The following RAB37 variants were observed in gnomAD, a reference collection of about 807,000 sequenced individuals.
RAB37 encodes RAB37, member RAS oncogene family.
In RAB37, 29 loss-of-function variants were observed where a neutral mutation model predicts 33.1. The observed-to-expected ratio is 0.88, with a 90% CI of 0.65 to 1.20. RAB37 has a LOEUF of 1.20. Ranked by LOEUF, RAB37 falls within the 50% of genes most tolerant of loss-of-function variation. The pLI is 0.00. For missense variants in RAB37, 299 were observed against 301.1 expected (o/e 0.99, Z 0.05); for synonymous variants, 128 against 119.5 (o/e 1.07, Z -0.47).
At chr17:74,720,621 A>T (rs1183409754) in intron 1 of RAB37, among the ~76,000 whole-genome samples, 1 of 152,050 alleles carries the variant, frequency 6.6e-6, no homozygotes, top group Non-Finnish European at 1.5e-5. Context: ...AAACACAATT[A>T]ATGCTCTTTT....
At chr17:74,711,975 G>A (rs979745996) in intron 1 of RAB37, among the ~76,000 whole-genome samples, 23 of 146,202 alleles carry the variant, frequency 1.6e-4, no homozygotes, top group African/African-American at 5.6e-4. Context: ...TGTGATTACA[G>A]GTCACTGCAG....
Position 74,671,403 on chromosome 17 carries a change from C to T in RAB37, c.-184C>T. 1 of 602,852 alleles carries T rather than the reference C, an allele frequency of 1.7e-6. No individual in the cohort carries two copies. Among genetic ancestry groups the T allele is most frequent in the Non-Finnish European group, 2.9e-6 (1 of 341,206 alleles). The allele number at this position is 602,852 out of a possible 1,614,324, so 37.3% of individuals were successfully genotyped here. ...AACGCTCAGTCCTGGAAGAACGTGG[C>T]CGCCTGCCCGCCTGGTACCGCGCCG... On this transcript the variant is annotated 5_prime_UTR_variant, in exon 1 of 8. Transcript: ENST00000340415. This position sits in a 1 kb window ranked among gnomAD's most constrained non-coding sequence, Gnocchi z 5.0.
At chr17:74,698,680 G>T in intron 1 of RAB37, 1 of 1,353,298 alleles carries the variant, frequency 7.4e-7, no homozygotes, top group South Asian at 1.6e-5. Context: ...GAAGGGAATG[G>T]AACAAGAGAC....
chr17:74,734,093 C>T (rs1295603685), upstream of RAB37, among the ~76,000 whole-genome samples: 2 of 152,320 alleles, frequency 1.3e-5, no homozygotes, highest in East Asian at 1.9e-4. Flanking sequence ...GAGCCAACAA[C>T]GTGAACCACA....
rs201168090 is a variant in RAB37, at chr17:74,718,572, G to GA, written c.73-10675dup. Among the ~76,000 whole-genome samples, 261 of 149,954 alleles carry GA rather than the reference G, an allele frequency of 1.7e-3. 3 individuals carry two copies. In the East Asian group the frequency reaches 0.039, roughly 22 times the overall value. ...CCTATTAATTGGCTAGATGTATTTG[G>GA]AAAAAAAAACAAGCGTTTGTTCAGC... On this transcript the variant is annotated intron_variant, in intron 1 of 7. Transcript: ENST00000340415.
At position 74,730,168 on chromosome 17, in the gene RAB37, G is replaced by A. The variant is rs1252157471; in HGVS notation, c.183+802G>A. On this transcript the variant is annotated intron_variant, in intron 2 of 7. Transcript: ENST00000340415. The surrounding 1 kb of genome is among the most constrained non-coding windows in gnomAD (Gnocchi z 4.4). ...GGAGAGGGTTCCACTCCTCTCTCGGGCTGTGGCAGGAAGAGCAGGGCCTTC... is the reference window on the plus strand; with the variant it reads ...GGAGAGGGTTCCACTCCTCTCTCGGACTGTGGCAGGAAGAGCAGGGCCTTC... 1.3e-5 allele frequency among the ~76,000 whole-genome samples: 2 copies of A among 152,186 alleles called. No individual in the cohort carries two copies. The highest frequency in any genetic ancestry group is 4.8e-5 in the African/African-American group (2 of 41,450).
At chr17:74,708,527 A>G (rs1360688142) in intron 1 of RAB37, among the ~76,000 whole-genome samples, 1 of 152,218 alleles carries the variant, frequency 6.6e-6, no homozygotes, top group African/African-American at 2.4e-5. Context: ...GAAACAAAAG[A>G]TCAGCATACG....
intron 1 of RAB37, among the ~76,000 whole-genome samples, chr17:74,715,896 G>C (rs1167070775): frequency 6.6e-6 from 1 of 152,140 alleles, no homozygotes; most frequent in African/African-American, 2.4e-5. Context: ...CGGGCATGGT[G>C]GTGGATGTCT....
chr17:74,701,708 G>T (rs891605500), intron 1 of RAB37, among the ~76,000 whole-genome samples: 6 of 152,070 alleles, frequency 3.9e-5, no homozygotes, highest in Non-Finnish European at 4.4e-5. Flanking sequence ...AAATTGGCCG[G>T]GCATGGTGGC....
intron 1 of RAB37, among the ~76,000 whole-genome samples, chr17:74,697,068 A>C (rs545975887): frequency 7.1e-4 from 108 of 152,128 alleles, no homozygotes; most frequent in Non-Finnish European, 1.2e-3. Context: ...TAGCCTCCTG[A>C]GTAGCTGGAA....
chr17:74,723,719 C>A (rs1285870841), intron 1 of RAB37, among the ~76,000 whole-genome samples: 1 of 151,772 alleles, frequency 6.6e-6, no homozygotes, highest in African/African-American at 2.4e-5. Context: ...GCTGGGACTA[C>A]AGGCGCGCAT....
Position 74,715,511 on chromosome 17 carries a change from G to A in RAB37, c.73-13745G>A, listed in dbSNP as rs796515795. Among the ~76,000 whole-genome samples the A allele has an allele frequency of 2.0e-4, 31 of 152,360 alleles. 1 individual carries two copies. Among genetic ancestry groups the A allele is most frequent in the African/African-American group, 7.5e-4 (31 of 41,590 alleles). ...CTCAGAGAGCAATCAGCCCTCTGCA[G>A]TAGGGAAGCCATTGGCTTCCAGGAA... On this transcript the variant is annotated intron_variant, in intron 1 of 7. Transcript: ENST00000340415.
At chr17:74,713,506 G>A (rs1158361254) in intron 1 of RAB37, among the ~76,000 whole-genome samples, 1 of 152,028 alleles carries the variant, frequency 6.6e-6, no homozygotes. Flanking sequence ...CACTGGGTCT[G>A]GCCAGCCCTT....
At chr17:74,695,923 A>G in intron 1 of RAB37, 1 of 1,556,652 alleles carries the variant, frequency 6.4e-7, no homozygotes, top group South Asian at 1.2e-5. Context: ...TTCCTTTTCC[A>G]CGGTGGGACG....
At chr17:74,735,387 T>A (rs1271698943), upstream of RAB37, among the ~76,000 whole-genome samples, 2 of 152,094 alleles carry the variant, frequency 1.3e-5, no homozygotes, top group East Asian at 1.9e-4. Context: ...AATACAAAAA[T>A]TAGCCAGGCG....
At position 74,671,525 on chromosome 17, in the gene RAB37, A is replaced by C; in HGVS notation, c.-62A>C. 6.5e-7 allele frequency: 1 copy of C among 1,543,640 alleles called. No homozygotes were observed. Among genetic ancestry groups the C allele is most frequent in the Non-Finnish European group, 8.9e-7 (1 of 1,118,714 alleles). On this transcript the variant is annotated 5_prime_UTR_variant, in exon 1 of 8. Coordinates refer to the RAB37 transcript ENST00000340415. This position sits in a 1 kb window ranked among gnomAD's most constrained non-coding sequence, Gnocchi z 5.0. Reference sequence around the variant, plus strand: ...GCCGCACCCAGCGGAGCTCGAACCGAGCTCCTGGAAGCGCTGACGCAGAGC... The same window carrying C: ...GCCGCACCCAGCGGAGCTCGAACCGCGCTCCTGGAAGCGCTGACGCAGAGC...
intron 1 of RAB37, among the ~76,000 whole-genome samples, chr17:74,728,709 A>C (rs1003031396): frequency 1.3e-5 from 2 of 150,810 alleles, no homozygotes; most frequent in Non-Finnish European, 2.9e-5. Context: ...ATGTGTGTGC[A>C]TGTGTGTTCT....
intron 1 of RAB37, among the ~76,000 whole-genome samples, chr17:74,683,329 A>C (rs947945450): frequency 4.6e-5 from 7 of 152,310 alleles, no homozygotes; most frequent in Middle Eastern, 3.4e-3. Flanking sequence ...AGGATTCAGG[A>C]AGCTGACGGA....
chr17:74,731,773 C>T (rs143185943), intron 2 of RAB37, among the ~76,000 whole-genome samples: 3 of 151,896 alleles, frequency 2.0e-5, no homozygotes, highest in African/African-American at 7.2e-5. Context: ...TTTGGGAGGC[C>T]GAGGCGGGCG....
Sources: allele counts gnomAD v4.1 joint callset (sites outside exome capture counted in the v4.1 genomes callset), GRCh38; gene constraint gnomAD v4.1.1; non-coding constraint Gnocchi (gnomAD v3.1); transcripts MANE v1.5; gene names NCBI Gene and HGNC (gene_info 2026-07-23, HGNC 2026-07-21).